The following LSAMP variants were observed in gnomAD, a reference collection of about 807,000 sequenced individuals.
LSAMP encodes limbic system associated membrane protein, also known as limbic system-associated membrane protein.
LSAMP carries 7 observed loss-of-function variants against 38.6 expected under a neutral mutation model. That is an observed-to-expected ratio of 0.18 (90% confidence interval 0.10 to 0.34). The LOEUF is 0.34. Among genes scored for constraint, LSAMP ranks in the 10% least tolerant of loss-of-function variants. The probability of loss-of-function intolerance (pLI) is 1.00; values close to 1 mark genes in which losing one functional copy is unlikely to be tolerated. For missense variants in LSAMP, 313 were observed against 420.0 expected (o/e 0.75, Z 2.23); for synonymous variants, 154 against 166.8 (o/e 0.92, Z 0.59).
chr3:115,837,296 T>G (rs1934820784), intron 6 of LSAMP, among the ~76,000 whole-genome samples: 1 of 150,678 alleles, frequency 6.6e-6, no homozygotes, highest in African/African-American at 2.4e-5. Flanking sequence ...AGTGTAGATT[T>G]TTTTTTTTGT....
chr3:116,215,728 G>A (rs1467122172), intron 1 of LSAMP, among the ~76,000 whole-genome samples: 1 of 152,170 alleles, frequency 6.6e-6, no homozygotes, highest in Non-Finnish European at 1.5e-5. Context: ...GGGAGATAGG[G>A]ATGAATTGCC....
At chr3:116,319,815 T>TTA (rs1553724419) in intron 1 of LSAMP, among the ~76,000 whole-genome samples, 103 of 151,540 alleles carry the variant, frequency 6.8e-4, no homozygotes, top group Non-Finnish European at 9.7e-4. Flanking sequence ...TTTTTTTTTT[T>TTA]AATAAAAATG....
chr3:116,401,971 A>T (rs572535959), intron 1 of LSAMP, among the ~76,000 whole-genome samples: 2 of 152,300 alleles, frequency 1.3e-5, no homozygotes, highest in South Asian at 4.1e-4. Flanking sequence ...TTTTTAAGAA[A>T]ATAATTAAAC....
intron 3 of LSAMP, among the ~76,000 whole-genome samples, chr3:115,934,046 TTC>T (rs1184985888): frequency 6.6e-6 from 1 of 152,240 alleles, no homozygotes; most frequent in Middle Eastern, 3.2e-3. Flanking sequence ...GAAAACATAA[TTC>T]TATCAATGTG....
At chr3:116,293,884 C>T (rs1253842704) in intron 1 of LSAMP, among the ~76,000 whole-genome samples, 1 of 151,956 alleles carries the variant, frequency 6.6e-6, no homozygotes, top group Non-Finnish European at 1.5e-5. Context: ...AAAATGTACT[C>T]TTTTCTCTCT....
At chr3:116,187,814 T>A (rs888448456) in intron 1 of LSAMP, among the ~76,000 whole-genome samples, 4 of 152,132 alleles carry the variant, frequency 2.6e-5, no homozygotes, top group African/African-American at 9.7e-5. Context: ...TATTTTATGT[T>A]CAGGGGTACA....
chr3:115,874,593 T>C (rs974201933), intron 3 of LSAMP, among the ~76,000 whole-genome samples: 1 of 152,112 alleles, frequency 6.6e-6, no homozygotes, highest in Non-Finnish European at 1.5e-5. Context: ...CAATTAAATA[T>C]ATTATTGAGT....
chr3:116,083,996 G>T (rs539767284), intron 2 of LSAMP, among the ~76,000 whole-genome samples: 186 of 152,220 alleles, frequency 1.2e-3, no homozygotes, highest in African/African-American at 4.3e-3. Flanking sequence ...GTAAGTACAA[G>T]CTTTGTTGTT....
chr3:116,355,885 C>G (rs1020368461), intron 1 of LSAMP, among the ~76,000 whole-genome samples: 1 of 152,150 alleles, frequency 6.6e-6, no homozygotes, highest in Non-Finnish European at 1.5e-5. Context: ...GATATCATTT[C>G]ATTCCAGTTA....
rs1933607181 is a variant in LSAMP, at chr3:115,805,370, TTTTA to T, written c.*4943_*4946del. On this transcript the variant is annotated 3_prime_UTR_variant, in exon 7 of 7. Coordinates refer to ENST00000490035, the MANE Select transcript of LSAMP (RefSeq NM_002338.5). ...ATTCTGAACTGTGAAACGTTTCAGT[TTTTA>T]TTTATTTTTATTTGATTTTTTTTTC... 1 of 152,180 alleles carries T rather than the reference TTTTA, an allele frequency of 6.6e-6. No individual in the cohort carries two copies. Among genetic ancestry groups the T allele is most frequent in the African/African-American group, 2.4e-5 (1 of 41,452 alleles). The allele number at this position is 152,180 out of a possible 1,614,324, so 9.4% of individuals were successfully genotyped here.
intron 2 of LSAMP, among the ~76,000 whole-genome samples, chr3:116,046,306 C>T (rs996032415): frequency 6.6e-6 from 1 of 152,022 alleles, no homozygotes; most frequent in Non-Finnish European, 1.5e-5. Flanking sequence ...CCAATCAGAA[C>T]CCATTAAGCA....
intron 1 of LSAMP, among the ~76,000 whole-genome samples, chr3:116,094,710 T>A (rs1408964722): frequency 6.6e-6 from 1 of 152,194 alleles, no homozygotes; most frequent in Non-Finnish European, 1.5e-5. Context: ...TGTGTACTGC[T>A]GATGGAGTGC....
intron 3 of LSAMP, among the ~76,000 whole-genome samples, chr3:115,940,683 T>A (rs1937889280): frequency 6.6e-6 from 1 of 152,200 alleles, no homozygotes; most frequent in Non-Finnish European, 1.5e-5. Context: ...CCCCAGTGTA[T>A]TCTTGTTGTC....
chr3:116,126,591 G>A (rs1351678505), intron 1 of LSAMP, among the ~76,000 whole-genome samples: 5 of 152,156 alleles, frequency 3.3e-5, no homozygotes, highest in African/African-American at 1.2e-4. Context: ...GCCAGGGGCA[G>A]TGGCTCATGC....
Position 115,865,292 on chromosome 3 carries a change from T to C in LSAMP, c.515-12675A>G, listed in dbSNP as rs911741088. On this transcript the variant is annotated intron_variant, in intron 3 of 6. Coordinates refer to ENST00000490035, the MANE Select transcript of LSAMP (RefSeq NM_002338.5). ...ACCATGGACGTTTCTCTAAAGACTA[T>C]TTAAAAATTACCCCTTTGAACACAT... is the stretch of plus-strand genomic sequence containing the variant. 1.2e-4 allele frequency among the ~76,000 whole-genome samples: 18 copies of C among 152,288 alleles called. No homozygotes were observed. The South Asian group carries it at 3.1e-3, about 26-fold the overall frequency.
At chr3:116,058,872 C>T (rs1200586504) in intron 2 of LSAMP, among the ~76,000 whole-genome samples, 2 of 151,814 alleles carry the variant, frequency 1.3e-5, no homozygotes, top group African/African-American at 4.8e-5. Context: ...GCTTCTTAGC[C>T]ATTAGGAAAG....
intron 2 of LSAMP, among the ~76,000 whole-genome samples, chr3:116,050,424 A>G (rs1380213574): frequency 1.3e-5 from 2 of 152,068 alleles, no homozygotes; most frequent in Non-Finnish European, 2.9e-5. Flanking sequence ...GACATTATCC[A>G]ATTTAAGTTT....
At chr3:115,827,477 G>C (rs558968580) in intron 6 of LSAMP, among the ~76,000 whole-genome samples, 1 of 152,070 alleles carries the variant, frequency 6.6e-6, no homozygotes, top group East Asian at 1.9e-4. Flanking sequence ...GCGAGTATGG[G>C]GCAGATAAAA....
At chr3:116,362,693 A>G (rs1223010374) in intron 1 of LSAMP, among the ~76,000 whole-genome samples, 2 of 106,014 alleles carry the variant, frequency 1.9e-5, no homozygotes, top group East Asian at 4.7e-4. Flanking sequence ...ACTAGAACTC[A>G]GGATTAAGAA....
Sources: allele counts gnomAD v4.1 joint callset (sites outside exome capture counted in the v4.1 genomes callset), GRCh38; gene constraint gnomAD v4.1.1; transcripts MANE v1.5; gene names NCBI Gene and HGNC (gene_info 2026-07-23, HGNC 2026-07-21).